The following PTPRB variants were observed in gnomAD, a reference collection of about 807,000 sequenced individuals.
PTPRB encodes the protein receptor-type tyrosine-protein phosphatase beta.
In PTPRB, 97 loss-of-function variants were observed where a neutral mutation model predicts 238.1. The ratio of observed to expected loss-of-function variants is 0.41; its 90% CI spans 0.35 to 0.48. PTPRB has a LOEUF of 0.48. PTPRB is among the 20% of genes least tolerant of loss of function. PTPRB has a pLI of 0.30. For synonymous variants in PTPRB, 970 were observed against 995.4 expected (o/e 0.97, Z 0.48); for missense variants, 2,292 against 2,681.9 (o/e 0.85, Z 3.21).
Position 70,560,749 on chromosome 12 carries a change from G to C in PTPRB, c.4354C>G (p.Pro1452Ala). 6.2e-7 allele frequency: 1 copy of C among 1,613,886 alleles called. No homozygotes were observed. Residue 1452 changes from proline to alanine, a missense_variant, in exon 17 of 34, where the codon CCT becomes GCT. By Grantham distance (27) the Pro-to-Ala change is conservative. Coordinates refer to ENST00000334414, the MANE Select transcript of PTPRB (RefSeq NM_001109754.4). This position sits in a 1 kb window ranked among gnomAD's most constrained non-coding sequence, Gnocchi z 4.2. The part of the protein sequence containing the change: ...LTEWRFQGLV[P>A]GRKYVLWVVT... ...ACCCACAGCACGTACTTCCTTCCAGGAACAAGGCCTTGAAACCGCCACTCC... is the reference window on the plus strand; with the variant it reads ...ACCCACAGCACGTACTTCCTTCCAGCAACAAGGCCTTGAAACCGCCACTCC...
chr12:70,582,916 G>T (rs75107378), intron 9 of PTPRB, among the ~76,000 whole-genome samples: 527 of 152,222 alleles, frequency 3.5e-3, no homozygotes, highest in Middle Eastern at 6.8e-3. Flanking sequence ...AGATAAATGG[G>T]TGACAAATAA....
chr12:70,560,907 C>T lies in PTPRB; in HGVS notation c.4196G>A (p.Gly1399Glu). The change falls in exon 17 of 34, where the codon GGG (glycine) becomes GAG (glutamate). Residue 1399 changes from glycine (G) to glutamate (E), a missense_variant. By Grantham distance (98) the Gly-to-Glu change is moderately conservative. Transcript: ENST00000334414. The surrounding 1 kb of genome is among the most constrained non-coding windows in gnomAD (Gnocchi z 4.2). Reference protein sequence around the residue: ...TVPASVSHLRGSNRNTTDSLW... With the variant: ...TVPASVSHLRESNRNTTDSLW... ...GCTGTCTGTCGTGTTCCGATTGGAC[C>T]CCCTGAGATGACTCACAGAGGCTGG... The T allele has an allele frequency of 1.2e-6, 2 of 1,613,406 alleles. No homozygotes were observed. The highest frequency in any genetic ancestry group is 1.7e-6 in the Non-Finnish European group (2 of 1,179,388).
At chr12:70,524,135 A>T (rs1592379695) in intron 33 of PTPRB, among the ~76,000 whole-genome samples, 1 of 150,894 alleles carries the variant, frequency 6.6e-6, no homozygotes. Context: ...TAGAGGCAGG[A>T]TCTTGCTTTG....
rs1882825958 is a variant in PTPRB, at chr12:70,594,648, C to T, written c.1335G>A (p.Gly445=). The change falls in exon 6 of 34, where the codon GGG becomes GGA. Residue 445 remains glycine (G), a synonymous_variant. Coordinates refer to ENST00000334414, the MANE Select transcript of PTPRB (RefSeq NM_001109754.4). ...SLLISWSHGS[G]NVERYRLMLM... ...GCATCAGCCGGTATCGTTCCACATT[C>T]CCAGAACCATGGGACCAGGAAATCA... 6.2e-7 allele frequency: 1 copy of T among 1,613,996 alleles called. No homozygotes were observed. Among genetic ancestry groups the T allele is most frequent in the South Asian group, 1.1e-5 (1 of 91,078 alleles).
chr12:70,553,031 A>G lies in PTPRB; in HGVS notation c.5144-11T>C. 1 of 1,612,012 alleles carries G rather than the reference A, an allele frequency of 6.2e-7. No homozygotes were observed. The highest frequency in any genetic ancestry group is 8.5e-7 in the Non-Finnish European group (1 of 1,178,488). ...TCAGCTCATCACTGCCTGGAGGAGA[A>G]AACCCACAGTTAAGGACTGCCTTTC... On this transcript the variant is annotated splice_polypyrimidine_tract_variant and intron_variant, in intron 20 of 33. Coordinates refer to ENST00000334414, the MANE Select transcript of PTPRB (RefSeq NM_001109754.4).
In PTPRB at chr12:70,570,996, T is replaced by C; in HGVS notation, c.3370+30A>G. On this transcript the variant is annotated intron_variant, in intron 13 of 33. Coordinates refer to ENST00000334414, the MANE Select transcript of PTPRB (RefSeq NM_001109754.4). ...AAAGTTAAATGCACCACTGCATCTA[T>C]TCAGGTTCAAGAACAGTATTTCACA... The C allele has an allele frequency of 1.9e-6, 3 of 1,608,822 alleles. No individual in the cohort carries two copies. The Middle Eastern group carries it at 5.0e-4, about 266-fold the overall frequency.
In PTPRB at chr12:70,635,822, G is replaced by A. The variant is rs770919328; in HGVS notation, c.300C>T (p.Gly100=). The change falls in exon 2 of 34, where the codon GGC becomes GGT. Residue 100 remains glycine (G), a synonymous_variant. Coordinates refer to ENST00000334414, the MANE Select transcript of PTPRB (RefSeq NM_001109754.4). The part of the protein sequence containing the change: ...APRWTCYDQE[G]FLEVENASLF... ...GAGAGGCATTTTCCACCTCAAGGAAGCCTTCCTGATCATAGCAGGTCCATC... is the reference window on the plus strand; with the variant it reads ...GAGAGGCATTTTCCACCTCAAGGAAACCTTCCTGATCATAGCAGGTCCATC... The A allele has an allele frequency of 6.2e-7, 1 of 1,613,586 alleles. No individual in the cohort carries two copies. The highest frequency in any genetic ancestry group is 2.2e-5 in the East Asian group (1 of 44,860).
chr12:70,601,903 G>A (rs1260678005), intron 4 of PTPRB, among the ~76,000 whole-genome samples: 2 of 147,384 alleles, frequency 1.4e-5, no homozygotes, highest in Admixed American at 1.4e-4. Flanking sequence ...CCATTCCCCT[G>A]CCTCAGCCTC....
At chr12:70,584,659 C>T (rs570921469) in intron 9 of PTPRB, among the ~76,000 whole-genome samples, 10 of 151,966 alleles carry the variant, frequency 6.6e-5, no homozygotes, top group South Asian at 2.1e-4. Context: ...CTTTCAAGAC[C>T]GAGAGCTATA....
Position 70,566,444 on chromosome 12 carries a change from C to T in PTPRB, c.3895G>A (p.Gly1299Ser), listed in dbSNP as rs767297300. 1.9e-6 allele frequency: 3 copies of T among 1,613,698 alleles called. No individual in the cohort carries two copies. In the East Asian group the frequency reaches 6.7e-5, roughly 36 times the overall value. Residue 1299 changes from glycine (G) to serine (S), a missense_variant, in exon 15 of 34, where the codon GGC becomes AGC. Physicochemically the swap from Gly to Ser is moderately conservative, Grantham distance 56. Transcript: ENST00000334414. ...GLFSKEAQTE[G>S]RTVPAAVTDL... is the part of the protein sequence containing the mutation. ...ATGCTGTGCTAATTACCTGTTCGGC[C>T]TTCAGTCTGGGCTTCCTTGCTAAAG... is the stretch of plus-strand genomic sequence containing the variant.
At chr12:70,526,729 C>T (rs578164244) in intron 32 of PTPRB, among the ~76,000 whole-genome samples, 2 of 152,304 alleles carry the variant, frequency 1.3e-5, no homozygotes, top group African/African-American at 4.8e-5. Context: ...AGGCTGACAC[C>T]TCCCTGTTTC....
intron 33 of PTPRB, among the ~76,000 whole-genome samples, chr12:70,522,062 T>A (rs1188323624): frequency 2.0e-5 from 3 of 152,208 alleles, no homozygotes; most frequent in Non-Finnish European, 4.4e-5. Flanking sequence ...AAAATAATTA[T>A]CTGATTTACA....
At position 70,515,961 on chromosome 12, in the gene PTPRB, A is replaced by T. The variant is rs1016831748; in HGVS notation, c.*5528T>A. Reference sequence around the variant, plus strand: ...TTTTACCACAGTTACAAATATAAAAATGTATTAAGCAAATACATAATTTAA... The same window carrying T: ...TTTTACCACAGTTACAAATATAAAATTGTATTAAGCAAATACATAATTTAA... On this transcript the variant is annotated 3_prime_UTR_variant, in exon 34 of 34. Transcript: ENST00000334414. 3 of 152,188 alleles carry T rather than the reference A, an allele frequency of 2.0e-5. No individual in the cohort carries two copies. The highest frequency in any genetic ancestry group is 4.4e-5 in the Non-Finnish European group (3 of 68,032). 9.4% of individuals were successfully genotyped at this position (152,188 alleles called of 1,614,324 possible).
chr12:70,522,280 G>T (rs61102878), intron 33 of PTPRB, among the ~76,000 whole-genome samples: 2 of 152,278 alleles, frequency 1.3e-5, no homozygotes, highest in African/African-American at 4.8e-5. Flanking sequence ...CAGTCCACAT[G>T]GCAAGGAATT....
intron 21 of PTPRB, among the ~76,000 whole-genome samples, chr12:70,551,377 C>T (rs1565930587): frequency 1.3e-5 from 2 of 152,170 alleles, no homozygotes; most frequent in South Asian, 2.1e-4. Flanking sequence ...TGGGAGGTAA[C>T]AGTAACTGTC....
Position 70,636,013 on chromosome 12 carries a change from T to C in PTPRB, c.109A>G (p.Lys37Glu). ...CTGTTGCATGAGCCCACGACCACTT[T>C]CTCATTTTTGAAAAGACACTGTTGT... ...QKQQCLFKNE[K>E]VVVGSCNRTI... Residue 37 changes from lysine to glutamate, a missense_variant, in exon 2 of 34, where the codon AAA (lysine) becomes GAA (glutamate). By Grantham distance (56) the Lys-to-Glu change is moderately conservative. Coordinates refer to ENST00000334414, the MANE Select transcript of PTPRB (RefSeq NM_001109754.4). The C allele has an allele frequency of 6.2e-7, 1 of 1,613,564 alleles. No homozygotes were observed. Among genetic ancestry groups the C allele is most frequent in the Non-Finnish European group, 8.5e-7 (1 of 1,179,740 alleles).
chr12:70,566,291 G>A (rs2116211), intron 15 of PTPRB, 144 bp downstream of exon 15: 253,786 of 1,048,738 alleles, frequency 0.24, 31,769 homozygotes, highest in Admixed American at 0.35. Flanking sequence ...TGACATGGAA[G>A]TGGCAAATCA....
chr12:70,623,989 C>T lies in PTPRB; in HGVS notation c.452-1343G>A, dbSNP rs189844988. ...TGGAAAAGGTATTTTTATAATTTATCAAGATATAAATATCAGCAGTTCTTC... is the reference window on the plus strand; with the variant it reads ...TGGAAAAGGTATTTTTATAATTTATTAAGATATAAATATCAGCAGTTCTTC... On this transcript the variant is annotated intron_variant, in intron 2 of 33. Coordinates refer to ENST00000334414, the MANE Select transcript of PTPRB (RefSeq NM_001109754.4). Among the ~76,000 whole-genome samples, 150 of 152,204 alleles carry T rather than the reference C, an allele frequency of 9.9e-4. 2 individuals carry two copies. Among genetic ancestry groups the T allele is most frequent in the African/African-American group, 3.4e-3 (140 of 41,550 alleles).
In PTPRB at chr12:70,520,336, C is replaced by T; in HGVS notation, c.*1153G>A. 1 of 280,224 alleles carries T rather than the reference C, an allele frequency of 3.6e-6. No individual in the cohort carries two copies. Among genetic ancestry groups the T allele is most frequent in the Non-Finnish European group, 7.3e-6 (1 of 136,484 alleles). 17.4% of individuals were successfully genotyped at this position (280,224 alleles called of 1,614,324 possible). A position where few individuals can be genotyped will look rare whatever the true frequency, so the allele number is the denominator to read the frequency against. On this transcript the variant is annotated 3_prime_UTR_variant, in exon 34 of 34. Transcript: ENST00000334414. Reference sequence around the variant, plus strand: ...TAGTGCCTTTTGTTATTAAATGCAACTTTGGGTGATTACTTGACATTTTGA... The same window carrying T: ...TAGTGCCTTTTGTTATTAAATGCAATTTTGGGTGATTACTTGACATTTTGA...
Sources: allele counts gnomAD v4.1 joint callset (sites outside exome capture counted in the v4.1 genomes callset), GRCh38; gene constraint gnomAD v4.1.1; non-coding constraint Gnocchi (gnomAD v3.1); transcripts MANE v1.5; gene names NCBI Gene and HGNC (gene_info 2026-07-23, HGNC 2026-07-21).